CNTN3: variants seen among roughly 807,000 people sequenced by gnomAD.
CNTN3 encodes the protein contactin 3.
A neutral mutation model predicts 119.1 loss-of-function variants in CNTN3; 60 were observed. That is an observed-to-expected ratio of 0.50 (90% CI 0.41 to 0.62). The LOEUF is 0.62. Ranked by LOEUF, CNTN3 falls within the 20% of genes least tolerant of loss-of-function variation. The pLI is 0.00. For synonymous variants in CNTN3, 450 were observed against 438.7 expected, an observed-to-expected ratio of 1.03 and a Z score of -0.32; for missense variants, 1,101 against 1,242.4, an observed-to-expected ratio of 0.89 and a Z score of 1.71.
At chr3:74,441,839 T>C (rs544404282) in intron 4 of CNTN3, among the ~76,000 whole-genome samples, 2 of 152,230 alleles carry the variant, frequency 1.3e-5, no homozygotes, top group African/African-American at 4.8e-5. Context: ...ATAAAATAAA[T>C]TATCTTTTGC....
intron 1 of CNTN3, among the ~76,000 whole-genome samples, chr3:74,591,354 G>A (rs1704700172): frequency 6.6e-6 from 1 of 152,008 alleles, no homozygotes; most frequent in African/African-American, 2.4e-5. Context: ...AGCCTTGAAT[G>A]CCAGGTTGGC....
At chr3:74,344,157 T>C (rs1703617401) in intron 11 of CNTN3, among the ~76,000 whole-genome samples, 1 of 152,154 alleles carries the variant, frequency 6.6e-6, no homozygotes, top group African/African-American at 2.4e-5. Context: ...GCTTTGTACA[T>C]AGTAGTTTTT....
At chr3:74,610,536 G>C (rs1311159332) in intron 1 of CNTN3, among the ~76,000 whole-genome samples, 3 of 152,134 alleles carry the variant, frequency 2.0e-5, no homozygotes, top group Non-Finnish European at 4.4e-5. Context: ...CAAAGGGACA[G>C]TAGTGTTTAA....
intron 1 of CNTN3, among the ~76,000 whole-genome samples, chr3:74,558,672 T>C (rs1704106310): frequency 6.6e-6 from 1 of 152,068 alleles, no homozygotes; most frequent in African/African-American, 2.4e-5. Context: ...TGTTCATCTG[T>C]AACATGGAAT....
intron 13 of CNTN3, among the ~76,000 whole-genome samples, chr3:74,333,776 C>T (rs970234880): frequency 3.9e-5 from 6 of 152,006 alleles, no homozygotes; most frequent in Non-Finnish European, 7.4e-5. Context: ...GTTAACATGC[C>T]GATGTATACA....
At chr3:74,468,800 A>G (rs946124129) in intron 4 of CNTN3, among the ~76,000 whole-genome samples, 2 of 104,200 alleles carry the variant, frequency 1.9e-5, no homozygotes, top group Non-Finnish European at 4.4e-5. Flanking sequence ...ATCAACACCT[A>G]TATACGTGAC....
intron 1 of CNTN3, among the ~76,000 whole-genome samples, chr3:74,608,342 T>C (rs1197376681): frequency 6.6e-6 from 1 of 152,226 alleles, no homozygotes; most frequent in African/African-American, 2.4e-5. Flanking sequence ...CCCCCATTTA[T>C]AAGTAATTAT....
intron 3 of CNTN3, among the ~76,000 whole-genome samples, chr3:74,498,853 G>A (rs1325099296): frequency 6.6e-6 from 1 of 151,730 alleles, no homozygotes; most frequent in East Asian, 1.9e-4. Context: ...AAGGTGTCTT[G>A]AATACTTTCT....
chr3:74,374,346 A>G (rs576179589), intron 5 of CNTN3, among the ~76,000 whole-genome samples: 4 of 151,442 alleles, frequency 2.6e-5, no homozygotes, highest in African/African-American at 9.7e-5. Flanking sequence ...CTTTAGTCCC[A>G]TCTTGGTGTA....
chr3:74,509,790 C>A (rs1418550508), intron 2 of CNTN3, among the ~76,000 whole-genome samples: 2 of 152,096 alleles, frequency 1.3e-5, no homozygotes, highest in Non-Finnish European at 2.9e-5. Flanking sequence ...GCTCTCAATT[C>A]TTTCATTCAT....
At chr3:74,306,153 T>C (rs1575711944) in intron 13 of CNTN3, among the ~76,000 whole-genome samples, 1 of 150,734 alleles carries the variant, frequency 6.6e-6, no homozygotes, top group African/African-American at 2.4e-5. Flanking sequence ...CAATTTGTCA[T>C]TGTTAGAGAA....
chr3:74,286,676 C>G lies in CNTN3; in HGVS notation c.2518-1185G>C, dbSNP rs140073264. Among the ~76,000 whole-genome samples, 228 of 152,254 alleles carry G rather than the reference C, an allele frequency of 1.5e-3. 4 individuals are homozygous for G. Among genetic ancestry groups the G allele is most frequent in the Admixed American group, 0.01 (153 of 15,294 alleles). On this transcript the variant is annotated intron_variant, in intron 19 of 22. Transcript: ENST00000263665. Reference sequence around the variant, plus strand: ...GAAAAAGGCTGATAATTTTCCAGAACTGAAGAAACGCAGCAATTTTCCTAT... The same window carrying G: ...GAAAAAGGCTGATAATTTTCCAGAAGTGAAGAAACGCAGCAATTTTCCTAT...
intron 1 of CNTN3, among the ~76,000 whole-genome samples, chr3:74,597,991 TG>T (rs1704841747): frequency 6.6e-6 from 1 of 152,018 alleles, no homozygotes; most frequent in Admixed American, 6.6e-5. Flanking sequence ...AGGAAATATG[TG>T]GGCTCAAGTA....
intron 13 of CNTN3, among the ~76,000 whole-genome samples, chr3:74,316,207 T>C (rs988348244): frequency 1.3e-5 from 2 of 152,196 alleles, no homozygotes; most frequent in Admixed American, 6.5e-5. Flanking sequence ...AAAGAAGATA[T>C]ACGAGTGGCC....
chr3:74,546,857 A>T (rs956318206), intron 1 of CNTN3, among the ~76,000 whole-genome samples: 26 of 152,164 alleles, frequency 1.7e-4, no homozygotes, highest in African/African-American at 6.0e-4. Context: ...CCTTCTAGAG[A>T]ACCCTGGCTA....
chr3:74,438,751 T>C (rs944446555), intron 4 of CNTN3, among the ~76,000 whole-genome samples: 47 of 152,210 alleles, frequency 3.1e-4, no homozygotes, highest in Non-Finnish European at 5.9e-4. Flanking sequence ...ATATTAGTCA[T>C]TGAGGCTGTT....
intron 4 of CNTN3, among the ~76,000 whole-genome samples, chr3:74,443,760 C>A (rs563216655): frequency 6.6e-6 from 1 of 152,220 alleles, no homozygotes; most frequent in African/African-American, 2.4e-5. Context: ...TTAATAGATT[C>A]CTTAACAGAG....
chr3:74,594,840 T>A (rs1704771109), intron 1 of CNTN3, among the ~76,000 whole-genome samples: 1 of 151,822 alleles, frequency 6.6e-6, no homozygotes, highest in South Asian at 2.1e-4. Context: ...TCAAATGGTA[T>A]TTCTAGTTCT....
intron 8 of CNTN3, among the ~76,000 whole-genome samples, chr3:74,367,120 A>AT (rs1183980164): frequency 6.6e-6 from 1 of 151,808 alleles, no homozygotes; most frequent in Non-Finnish European, 1.5e-5. Flanking sequence ...TCTATAGACT[A>AT]TTTTTTACAT....
Sources: gnomAD v4.1 joint callset for allele counts (sites outside exome capture counted in the v4.1 genomes callset) on GRCh38, gnomAD v4.1.1 for gene constraint, MANE v1.5 for transcripts, NCBI Gene and HGNC (gene_info 2026-07-23, HGNC 2026-07-21) for gene names.